The following TCERG1L variants were observed in gnomAD, a reference collection of about 807,000 sequenced individuals.
TCERG1L encodes transcription elongation regulator 1 like, also known as transcription elongation regulator 1-like protein.
In TCERG1L, 37 loss-of-function variants were observed where a neutral mutation model predicts 56.3. The ratio of observed to expected loss-of-function variants is 0.66; its 90% confidence interval spans 0.51 to 0.87. The LOEUF is 0.87. Among genes scored for constraint, TCERG1L ranks in the 40% least tolerant of loss-of-function variants. The pLI is 0.00. For missense variants in TCERG1L, 799 were observed against 774.2 expected (o/e 1.03, Z -0.38); for synonymous variants, 324 against 326.3 (o/e 0.99, Z 0.08).
chr10:131,285,465 G>GAAGA lies in TCERG1L; in HGVS notation c.670+22742_670+22745dup, dbSNP rs1212795487. 4.0e-3 allele frequency among the ~76,000 whole-genome samples: 412 copies of GAAGA among 103,976 alleles called. 11 individuals are homozygous for GAAGA. The highest frequency in any genetic ancestry group is 0.015 in the African/African-American group (375 of 25,042). 68.2% of individuals were successfully genotyped at this position (103,976 alleles called of 152,430 possible). ...AGAAACAAAGAAAGAGAGAGAAAGGGAAGAAAGAAAGAAAGAAAGAAAGAA... is the reference window on the plus strand; with the variant it reads ...AGAAACAAAGAAAGAGAGAGAAAGGGAAGAAAGAAAGAAAGAAAGAAAGAAAGAA... On this transcript the variant is annotated intron_variant, in intron 3 of 11. Coordinates refer to ENST00000368642, the MANE Select transcript of TCERG1L (RefSeq NM_174937.4).
At chr10:131,262,077 G>T (rs1255867627) in intron 3 of TCERG1L, among the ~76,000 whole-genome samples, 2 of 152,172 alleles carry the variant, frequency 1.3e-5, no homozygotes, top group African/African-American at 4.8e-5. Flanking sequence ...GAAGTGGGGG[G>T]TGAGGGGACA....
intron 6 of TCERG1L, chr10:131,162,172 G>T (rs528700592): frequency 1.3e-5 from 2 of 152,350 alleles, no homozygotes; most frequent in African/African-American, 4.8e-5. Context: ...CATCAGAATC[G>T]AGCTAAATTG....
At chr10:131,304,688 G>T (rs1191710445) in intron 3 of TCERG1L, among the ~76,000 whole-genome samples, 1 of 152,072 alleles carries the variant, frequency 6.6e-6, no homozygotes, top group Admixed American at 6.5e-5. Context: ...ATTATTAATT[G>T]GAGACCTTAA....
chr10:131,217,051 G>T (rs1196806807), intron 4 of TCERG1L, among the ~76,000 whole-genome samples: 2 of 152,178 alleles, frequency 1.3e-5, no homozygotes, highest in African/African-American at 4.8e-5. Context: ...CCCTGGCTGG[G>T]TGGTGGACGC....
chr10:131,254,302 A>AATATATATATATATAT lies in TCERG1L; in HGVS notation c.856+5941_856+5956dup, dbSNP rs57689050. 1.4e-3 allele frequency among the ~76,000 whole-genome samples: 195 copies of AATATATATATATATAT among 142,780 alleles called. 1 individual carries two copies. Among genetic ancestry groups the AATATATATATATATAT allele is most frequent in the South Asian group, 2.9e-3 (13 of 4,516 alleles). 93.7% of individuals were successfully genotyped at this position (142,780 alleles called of 152,430 possible). A position where few individuals can be genotyped will look rare whatever the true frequency, so the allele number is the denominator to read the frequency against. On this transcript the variant is annotated intron_variant, in intron 4 of 11. Coordinates refer to ENST00000368642, the MANE Select transcript of TCERG1L (RefSeq NM_174937.4). ...CCAGAGCAGGCAATCACTGGATTTA[A>AATATATATATATATAT]ATATATATATATATATATAGTAAGT...
At chr10:131,246,599 CCCCTG>C (rs1178552993) in intron 4 of TCERG1L, among the ~76,000 whole-genome samples, 4 of 142,094 alleles carry the variant, frequency 2.8e-5, no homozygotes, top group African/African-American at 9.9e-5. Flanking sequence ...TCCTCTCCCT[CCCCTG>C]CCCCACCGCA....
chr10:131,283,708 T>C lies in TCERG1L; in HGVS notation c.671-23264A>G, dbSNP rs75023304. On this transcript the variant is annotated intron_variant, in intron 3 of 11. Transcript: ENST00000368642. ...ATGAAATTTCTAAAGATTAAAATAATTGTTGAAATGTAAAACTTCATAGAA... is the reference window on the plus strand; with the variant it reads ...ATGAAATTTCTAAAGATTAAAATAACTGTTGAAATGTAAAACTTCATAGAA... Among the ~76,000 whole-genome samples, 1,598 of 152,252 alleles carry C rather than the reference T, an allele frequency of 0.01. 86 individuals carry two copies. In the East Asian group the frequency reaches 0.17, roughly 16 times the overall value.
chr10:131,132,626 C>T (rs1411775049), intron 8 of TCERG1L, among the ~76,000 whole-genome samples: 9 of 152,202 alleles, frequency 5.9e-5, no homozygotes, highest in Non-Finnish European at 5.9e-5. Context: ...GCACACATAT[C>T]CAAAGATCAG....
intron 3 of TCERG1L, among the ~76,000 whole-genome samples, chr10:131,264,951 G>A (rs1185046789): frequency 2.6e-5 from 4 of 152,162 alleles, no homozygotes; most frequent in African/African-American, 9.7e-5. Flanking sequence ...GGTCAGTGAG[G>A]GAAAGAGAAC....
At chr10:131,224,918 T>C (rs1440751690) in intron 4 of TCERG1L, among the ~76,000 whole-genome samples, 1 of 152,220 alleles carries the variant, frequency 6.6e-6, no homozygotes, top group Non-Finnish European at 1.5e-5. Context: ...AAGTAGAATG[T>C]CTCTCTTTAC....
At chr10:131,114,499 C>T (rs893778609) in intron 9 of TCERG1L, among the ~76,000 whole-genome samples, 6 of 98,448 alleles carry the variant, frequency 6.1e-5, no homozygotes, top group African/African-American at 1.8e-4. Context: ...GGTAAACACA[C>T]AACCTGGTGG....
intron 4 of TCERG1L, among the ~76,000 whole-genome samples, chr10:131,178,736 C>T (rs550546036): frequency 6.6e-6 from 1 of 152,280 alleles, no homozygotes; most frequent in East Asian, 1.9e-4. Context: ...CGGGATCCCT[C>T]GGGACCTTCT....
At chr10:131,134,028 C>A (rs925500581) in intron 8 of TCERG1L, among the ~76,000 whole-genome samples, 3 of 152,148 alleles carry the variant, frequency 2.0e-5, no homozygotes, top group Non-Finnish European at 2.9e-5. Flanking sequence ...GCTGCCTGAC[C>A]CCTAAACTCA....
At chr10:131,093,879 C>T (rs866823675) in intron 11 of TCERG1L, among the ~76,000 whole-genome samples, 2 of 152,174 alleles carry the variant, frequency 1.3e-5, no homozygotes, top group Non-Finnish European at 2.9e-5. Flanking sequence ...ACCTCACTTG[C>T]GGAACTGGAC....
chr10:131,223,588 G>A (rs1845758899), intron 4 of TCERG1L, among the ~76,000 whole-genome samples: 1 of 151,884 alleles, frequency 6.6e-6, no homozygotes, highest in Non-Finnish European at 1.5e-5. Flanking sequence ...CAAAGCACAT[G>A]TGTGCACACT....
intron 11 of TCERG1L, among the ~76,000 whole-genome samples, chr10:131,094,247 CGCTTGTCCAG>C (rs1293544218): frequency 6.6e-6 from 1 of 152,236 alleles, no homozygotes; most frequent in Non-Finnish European, 1.5e-5. Context: ...CAGATGCACT[CGCTTGTCCAG>C]CGACAGTCGG....
At chr10:131,176,240 GCACA>G in intron 4 of TCERG1L, among the ~76,000 whole-genome samples, 1 of 151,222 alleles carries the variant, frequency 6.6e-6, no homozygotes, top group African/African-American at 2.5e-5. Context: ...AGATACCCGT[GCACA>G]CACACAGAGA....
At chr10:131,310,713 C>T (rs1049417279) in intron 1 of TCERG1L, among the ~76,000 whole-genome samples, 7 of 152,278 alleles carry the variant, frequency 4.6e-5, no homozygotes, top group African/African-American at 1.4e-4. Flanking sequence ...TCCGGCAGGC[C>T]TGGGGCAGGG....
intron 7 of TCERG1L, among the ~76,000 whole-genome samples, chr10:131,142,138 C>A (rs80258397): frequency 0.05 from 7,557 of 152,238 alleles, 272 homozygotes; most frequent in South Asian, 0.22. Flanking sequence ...TGCAAAGAGG[C>A]GGCTCAGGCC....
Sources: gnomAD v4.1 joint callset for allele counts (sites outside exome capture counted in the v4.1 genomes callset) on GRCh38, gnomAD v4.1.1 for gene constraint, MANE v1.5 for transcripts, NCBI Gene and HGNC (gene_info 2026-07-23, HGNC 2026-07-21) for gene names.